Variants in ANAPC1 observed in about 807,000 individuals in gnomAD.
ANAPC1 encodes the protein anaphase promoting complex subunit 1.
ANAPC1 carries 36 observed loss-of-function variants against 208.0 expected under a neutral mutation model. The ratio of observed to expected loss-of-function variants is 0.17; its 90% CI spans 0.13 to 0.23. The LOEUF is 0.23. ANAPC1 is among the 10% of genes least tolerant of loss of function. The probability of loss-of-function intolerance (pLI) is 1.00; values close to 1 mark genes in which losing one functional copy is unlikely to be tolerated. For synonymous variants in ANAPC1, 378 were observed against 695.2 expected (o/e 0.54, Z 7.18); for missense variants, 942 against 2,011.6 (o/e 0.47, Z 10.17).
At chr2:111,772,231 C>A in intron 47 of ANAPC1, 110 bp downstream of exon 47, 1 of 1,162,866 alleles carries the variant, frequency 8.6e-7, no homozygotes, top group Non-Finnish European at 1.2e-6. Context: ...AATGACACTG[C>A]AACATTAATG....
intron 38 of ANAPC1, 109 bp from the exon 39 acceptor site, chr2:111,788,429 A>C: frequency 7.1e-7 from 1 of 1,409,956 alleles, no homozygotes; most frequent in Non-Finnish European, 9.6e-7. Context: ...CATACTGATA[A>C]GATGCCCTCA....
intron 15 of ANAPC1, among the ~76,000 whole-genome samples, chr2:111,847,480 A>T (rs1681155694): frequency 6.6e-6 from 1 of 152,244 alleles, no homozygotes; most frequent in Non-Finnish European, 1.5e-5. Context: ...AAAAAATCAC[A>T]TCAATATACA....
At chr2:111,867,358 T>C (rs1682485377) in intron 7 of ANAPC1, among the ~76,000 whole-genome samples, 1 of 151,304 alleles carries the variant, frequency 6.6e-6, no homozygotes, top group South Asian at 2.1e-4. Flanking sequence ...GCAGGCCAGA[T>C]TTAGCCCATG....
chr2:111,868,891 A>T (rs989840880), intron 6 of ANAPC1, among the ~76,000 whole-genome samples: 6 of 152,100 alleles, frequency 3.9e-5, no homozygotes, highest in African/African-American at 1.4e-4. Flanking sequence ...CTTTCTTTCA[A>T]AGCATAAAGA....
intron 24 of ANAPC1, among the ~76,000 whole-genome samples, chr2:111,824,165 T>C (rs1191676510): frequency 6.1e-5 from 9 of 147,444 alleles, no homozygotes; most frequent in African/African-American, 1.7e-4. Context: ...TGGATAGAAC[T>C]AATCCAATAT....
intron 17 of ANAPC1, among the ~76,000 whole-genome samples, chr2:111,841,738 T>C (rs1023976768): frequency 1.1e-4 from 16 of 152,130 alleles, no homozygotes; most frequent in Admixed American, 6.5e-4. Context: ...CCTGACGTTA[T>C]CAAACAGGAT....
chr2:111,849,498 T>C (rs1249774775), intron 14 of ANAPC1, among the ~76,000 whole-genome samples: 1 of 152,188 alleles, frequency 6.6e-6, no homozygotes, highest in African/African-American at 2.4e-5. Context: ...AGCACTAACC[T>C]TCCCTTTGAA....
intron 33 of ANAPC1, among the ~76,000 whole-genome samples, chr2:111,801,431 T>G (rs1419692216): frequency 8.4e-6 from 1 of 119,356 alleles, no homozygotes; most frequent in African/African-American, 3.2e-5. Flanking sequence ...TGGCCTAGCC[T>G]ACCTTAAACA....
At chr2:111,797,336 C>T (rs1368107286) in intron 34 of ANAPC1, among the ~76,000 whole-genome samples, 1 of 151,918 alleles carries the variant, frequency 6.6e-6, no homozygotes, top group Admixed American at 6.6e-5. Flanking sequence ...TTAGCACGTG[C>T]CTTGCATTTA....
At chr2:111,791,406 A>G (rs1226878662) in intron 38 of ANAPC1, among the ~76,000 whole-genome samples, 1 of 149,464 alleles carries the variant, frequency 6.7e-6, no homozygotes, top group Non-Finnish European at 1.5e-5. Context: ...CACACGTACA[A>G]CCTATGACCC....
chr2:111,817,721 G>GCA, intron 27 of ANAPC1, among the ~76,000 whole-genome samples: 1 of 141,140 alleles, frequency 7.1e-6, no homozygotes, highest in African/African-American at 2.6e-5. Context: ...CATATATTAT[G>GCA]TACTATTTAT....
chr2:111,869,261 T>G (rs1241202580), intron 6 of ANAPC1, among the ~76,000 whole-genome samples: 1 of 152,062 alleles, frequency 6.6e-6, no homozygotes, highest in Non-Finnish European at 1.5e-5. Context: ...TTATTTTTTT[T>G]TTGACACGGA....
At chr2:111,781,246 G>A (rs199891320) in intron 43 of ANAPC1, among the ~76,000 whole-genome samples, 15,033 of 147,042 alleles carry the variant, frequency 0.1, 442 homozygotes, top group East Asian at 0.16. Context: ...TACTTTCTTC[G>A]TTCAAACTCA....
At chr2:111,797,972 T>C (rs1157366020) in intron 34 of ANAPC1, among the ~76,000 whole-genome samples, 1 of 126,310 alleles carries the variant, frequency 7.9e-6, no homozygotes, top group Non-Finnish European at 1.7e-5. Context: ...AAAGCAGGTC[T>C]ATCTGCGCCA....
chr2:111,772,708 C>A (rs1676807494), intron 46 of ANAPC1, among the ~76,000 whole-genome samples: 1 of 152,054 alleles, frequency 6.6e-6, no homozygotes, highest in African/African-American at 2.4e-5. Context: ...CAAACAAATG[C>A]ATAATTACAA....
intron 17 of ANAPC1, among the ~76,000 whole-genome samples, chr2:111,839,417 G>A (rs573200727): frequency 6.6e-6 from 1 of 152,188 alleles, no homozygotes; most frequent in African/African-American, 2.4e-5. Context: ...CATAATCTTT[G>A]CTGCCCCAGC....
intron 3 of ANAPC1, 40 bp from the exon 4 acceptor site, chr2:111,873,704 C>G (rs1558743533): frequency 6.5e-7 from 1 of 1,539,708 alleles, no homozygotes; most frequent in African/African-American, 1.4e-5. Flanking sequence ...AAAATTATAT[C>G]TAAATAATCA....
chr2:111,883,314 G>A (rs1313645747), intron 1 of ANAPC1, among the ~76,000 whole-genome samples: 1 of 151,510 alleles, frequency 6.6e-6, no homozygotes, highest in Non-Finnish European at 1.5e-5. Context: ...ATTTTATAAT[G>A]TTATTTTCTT....
intron 14 of ANAPC1, among the ~76,000 whole-genome samples, chr2:111,848,350 T>C (rs1294531896): frequency 6.7e-6 from 1 of 149,058 alleles, no homozygotes; most frequent in Non-Finnish European, 1.5e-5. Flanking sequence ...GAGCCTTGCT[T>C]TTTCTGCTCT....
Sources: gnomAD v4.1 joint callset for allele counts (sites outside exome capture counted in the v4.1 genomes callset) on GRCh38, gnomAD v4.1.1 for gene constraint, MANE v1.5 for transcripts, NCBI Gene and HGNC (gene_info 2026-07-23, HGNC 2026-07-21) for gene names.